Variants in SLC16A9 observed in about 807,000 individuals in gnomAD.
SLC16A9 encodes monocarboxylate transporter 9.
Under a neutral mutation model 44.3 loss-of-function variants are expected in SLC16A9, and 26 were observed. The observed-to-expected ratio is 0.59, with a 90% CI of 0.43 to 0.81. SLC16A9 has a LOEUF of 0.81. Among genes scored for constraint, SLC16A9 ranks in the 40% least tolerant of loss-of-function variants. SLC16A9 has a pLI of 0.00. For missense variants in SLC16A9, 559 were observed against 595.8 expected, an observed-to-expected ratio of 0.94 and a Z score of 0.64; for synonymous variants, 230 against 225.1, an observed-to-expected ratio of 1.02 and a Z score of -0.19.
chr10:59,652,986 G>A (rs778608980), intron 5 of SLC16A9, 36 bp from the exon 6 acceptor site: 15 of 1,535,792 alleles, frequency 9.8e-6, no homozygotes, highest in East Asian at 2.3e-5. Context: ...AAGTTTCATG[G>A]AAATAGTATG....
intron 1 of SLC16A9, among the ~76,000 whole-genome samples, chr10:59,698,221 TAAAC>T (rs1564713377): frequency 6.6e-6 from 1 of 152,178 alleles, no homozygotes; most frequent in African/African-American, 2.4e-5. Flanking sequence ...TTAGAACACT[TAAAC>T]AAAACTTTAC....
chr10:59,666,179 G>T (rs1233410878), intron 3 of SLC16A9, among the ~76,000 whole-genome samples: 1 of 151,824 alleles, frequency 6.6e-6, no homozygotes, highest in Non-Finnish European at 1.5e-5. Context: ...TGCACCTGTG[G>T]TCTCAGCTAC....
upstream of SLC16A9, chr10:59,710,017 C>G (rs1840731452): frequency 6.6e-6 from 1 of 152,254 alleles, no homozygotes; most frequent in African/African-American, 2.4e-5. Context: ...CCTACCAGGC[C>G]TGGAGCCACC....
At chr10:59,659,835 A>T (rs1839431340) in intron 4 of SLC16A9, among the ~76,000 whole-genome samples, 1 of 152,270 alleles carries the variant, frequency 6.6e-6, no homozygotes, top group African/African-American at 2.4e-5. Context: ...TAGAGCTCAG[A>T]ATTAAGAAAG....
intron 4 of SLC16A9, among the ~76,000 whole-genome samples, chr10:59,663,300 G>A (rs550392703): frequency 1.3e-5 from 2 of 152,228 alleles, no homozygotes; most frequent in African/African-American, 4.8e-5. Context: ...GGCAGAGGTT[G>A]TGGTGAGCCA....
At chr10:59,707,620 C>T (rs569582779) in intron 1 of SLC16A9, among the ~76,000 whole-genome samples, 9 of 150,248 alleles carry the variant, frequency 6.0e-5, no homozygotes, top group African/African-American at 2.0e-4. Flanking sequence ...AAAAATGTGA[C>T]GTAATACATA....
rs1218136416 is a variant in SLC16A9, at chr10:59,652,723, C to G, written c.*49G>C. The G allele has an allele frequency of 1.4e-6, 2 of 1,462,562 alleles. No individual in the cohort carries two copies. The highest frequency in any genetic ancestry group is 4.8e-5 in the Admixed American group (2 of 41,334). The allele number at this position is 1,462,562 out of a possible 1,614,324, so 90.6% of individuals were successfully genotyped here. ...TTTGCTTGAGAATCTGTTAAAATAT[C>G]GTTGCTATATGGTATAAAATAGCAA... is the stretch of plus-strand genomic sequence containing the variant. On this transcript the variant is annotated 3_prime_UTR_variant, in exon 6 of 6. Transcript: ENST00000395348.
intron 2 of SLC16A9, 55 bp downstream of exon 2, chr10:59,684,041 G>A: frequency 1.4e-6 from 2 of 1,440,978 alleles, no homozygotes; most frequent in Non-Finnish European, 1.9e-6. Flanking sequence ...TCATGATGTA[G>A]TAAATGTAAT....
chr10:59,654,575 G>T lies in SLC16A9; in HGVS notation c.451C>A (p.Leu151Ile), dbSNP rs1221860428. The change falls in exon 5 of 6, where the codon CTT (leucine) becomes ATT (isoleucine). Residue 151 changes from leucine (L) to isoleucine (I), a missense_variant. Physicochemically the swap from Leu to Ile is conservative, Grantham distance 5. Coordinates refer to ENST00000395348, the MANE Select transcript of SLC16A9 (RefSeq NM_194298.3). ...GLISTGSSVG[L>I]FIYAALQRML... Reference sequence around the variant, plus strand: ...CTCTGCAGAGCAGCATATATGAAAAGGCCAACGCTTGAACCTAAAAAGGGA... The same window carrying T: ...CTCTGCAGAGCAGCATATATGAAAATGCCAACGCTTGAACCTAAAAAGGGA... The T allele has an allele frequency of 6.3e-7, 1 of 1,579,548 alleles. No homozygotes were observed.
chr10:59,656,595 T>A (rs1034608702), intron 4 of SLC16A9, among the ~76,000 whole-genome samples: 1 of 152,142 alleles, frequency 6.6e-6, no homozygotes, highest in East Asian at 1.9e-4. Flanking sequence ...AGGATTTTTT[T>A]CCCCCAGGGT....
chr10:59,666,448 AT>A, intron 3 of SLC16A9, among the ~76,000 whole-genome samples: 1 of 152,250 alleles, frequency 6.6e-6, no homozygotes. Flanking sequence ...AGTCAAACCT[AT>A]TTTTATAATA....
At chr10:59,660,607 T>C (rs1387060384) in intron 4 of SLC16A9, among the ~76,000 whole-genome samples, 2 of 152,154 alleles carry the variant, frequency 1.3e-5, no homozygotes, top group Non-Finnish European at 2.9e-5. Context: ...CTTCTAAAAC[T>C]ATTCCAAACA....
intron 2 of SLC16A9, among the ~76,000 whole-genome samples, chr10:59,679,142 A>G (rs925156205): frequency 6.6e-6 from 1 of 152,206 alleles, no homozygotes; most frequent in Non-Finnish European, 1.5e-5. Context: ...ACTGCAGACT[A>G]GATCTCCGTG....
chr10:59,669,870 C>T (rs1176898347), intron 3 of SLC16A9, among the ~76,000 whole-genome samples: 1 of 152,066 alleles, frequency 6.6e-6, no homozygotes, highest in Non-Finnish European at 1.5e-5. Context: ...GATATGGTAT[C>T]AAGTTCCTCA....
chr10:59,663,499 A>G (rs1839531592), intron 4 of SLC16A9, among the ~76,000 whole-genome samples: 1 of 152,196 alleles, frequency 6.6e-6, no homozygotes, highest in Middle Eastern at 3.2e-3. Context: ...TCAGCAAACT[A>G]ACACAGGAAC....
At chr10:59,686,321 A>G (rs887347994) in intron 1 of SLC16A9, among the ~76,000 whole-genome samples, 3 of 152,198 alleles carry the variant, frequency 2.0e-5, no homozygotes, top group South Asian at 2.1e-4. Flanking sequence ...TCTGTTCTAT[A>G]TGAACTTCAG....
intron 2 of SLC16A9, among the ~76,000 whole-genome samples, chr10:59,678,734 G>A (rs1330068965): frequency 7.7e-5 from 11 of 142,918 alleles, no homozygotes; most frequent in Non-Finnish European, 1.1e-4. Context: ...TAGTAGAGAC[G>A]GGTTTTCACC....
intron 3 of SLC16A9, among the ~76,000 whole-genome samples, chr10:59,669,254 C>T (rs1228334760): frequency 2.0e-5 from 3 of 152,180 alleles, no homozygotes; most frequent in African/African-American, 7.2e-5. Flanking sequence ...ACCACCACCT[C>T]CTACCCACCT....
chr10:59,686,548 G>A (rs544721874), intron 1 of SLC16A9, among the ~76,000 whole-genome samples: 13 of 151,972 alleles, frequency 8.6e-5, no homozygotes, highest in South Asian at 2.1e-4. Context: ...TTTTATCCTC[G>A]CTGCTAATAT....
Sources: gnomAD v4.1 joint callset for allele counts (sites outside exome capture counted in the v4.1 genomes callset) on GRCh38, gnomAD v4.1.1 for gene constraint, MANE v1.5 for transcripts, NCBI Gene and HGNC (gene_info 2026-07-23, HGNC 2026-07-21) for gene names.